Variants in ZNF18 observed in about 807,000 individuals in gnomAD.
The protein encoded by ZNF18 is zinc finger protein 18.
ZNF18 carries 42 observed loss-of-function variants against 58.1 expected under a neutral mutation model. That is an observed-to-expected ratio of 0.72 (90% CI 0.56 to 0.93). The LOEUF (loss-of-function observed/expected upper bound fraction) is 0.93, where lower values mean the gene tolerates loss of function less well. Ranked by LOEUF, ZNF18 falls within the 40% of genes least tolerant of loss-of-function variation. ZNF18 has a pLI of 0.00. For synonymous variants in ZNF18, 231 were observed against 239.8 expected, an observed-to-expected ratio of 0.96 and a Z score of 0.34; for missense variants, 540 against 644.2, an observed-to-expected ratio of 0.84 and a Z score of 1.75.
At chr17:11,991,304 T>C (rs557033548) in intron 2 of ZNF18, 141 bp from the exon 3 acceptor site, 13 of 818,742 alleles carry the variant, frequency 1.6e-5, no homozygotes, top group Non-Finnish European at 2.2e-5. Context: ...TTATTTCTAG[T>C]CCAGCAGGAA....
chr17:11,983,294 C>CACCT lies in ZNF18; in HGVS notation c.861_862+2dup, dbSNP rs1967498800. 6.2e-7 allele frequency: 1 copy of CACCT among 1,604,136 alleles called. No homozygotes were observed. Among genetic ancestry groups the CACCT allele is most frequent in the Non-Finnish European group, 8.5e-7 (1 of 1,171,254 alleles). ...GATTCCAGACCAATGAAAGATTACT[C>CACCT]ACCTATGCAGGTGGGTCTTGGGATC... On this transcript the variant is annotated splice_region_variant and intron_variant, in intron 6 of 6. Transcript: ENST00000580306.
intron 1 of ZNF18, among the ~76,000 whole-genome samples, chr17:11,993,825 CAAAAAAAAAAA>C (rs386385680): frequency 1.4e-5 from 1 of 71,244 alleles, no homozygotes; most frequent in African/African-American, 5.9e-5. Flanking sequence ...CTCCGTCTCA[CAAAAAAAAAAA>C]AAAAAAAAAA....
At chr17:11,987,134 A>G (rs1254503888) in intron 4 of ZNF18, among the ~76,000 whole-genome samples, 7 of 152,196 alleles carry the variant, frequency 4.6e-5, no homozygotes, top group African/African-American at 1.7e-4. Flanking sequence ...GGAAAATTCT[A>G]TTTTTGTGTG....
chr17:11,997,772 C>T (rs1043140976), upstream of ZNF18, among the ~76,000 whole-genome samples: 3 of 152,252 alleles, frequency 2.0e-5, no homozygotes, highest in Non-Finnish European at 4.4e-5. Context: ...GCGAGGCCTT[C>T]AAAGATCATT....
At chr17:12,010,191 T>C in the ZNF18 span, among the ~76,000 whole-genome samples, 1 of 152,200 alleles carries the variant, frequency 6.6e-6, no homozygotes, top group East Asian at 1.9e-4. Flanking sequence ...AATTTCACTG[T>C]ATAAATATAG....
the ZNF18 span, chr17:12,011,210 C>T: frequency 1.9e-6 from 1 of 526,652 alleles, no homozygotes; most frequent in Non-Finnish European, 3.5e-6. Flanking sequence ...TCCTCTTTCA[C>T]TTTGTGTTCA....
chr17:12,006,788 A>G, the ZNF18 span, among the ~76,000 whole-genome samples: 1 of 152,294 alleles, frequency 6.6e-6, no homozygotes, highest in African/African-American at 2.4e-5. Flanking sequence ...TTTTTGCCAC[A>G]GTATTTCAAC....
Position 11,992,755 on chromosome 17 carries a change from T to A in ZNF18, c.75A>T (p.Glu25Asp). The part of the protein sequence containing the change: ...LAKAEDSQFS[E>D]SDAALQEELS... ...GTTCCTCTTGAAGGGCAGCATCTGA[T>A]TCTGAGAACTGGGAGTCCTCGGCCT... Residue 25 changes from glutamate (E) to aspartate (D), a missense_variant, in exon 2 of 7, where the codon GAA becomes GAT. By Grantham distance (45) the Glu-to-Asp change is conservative (BLOSUM62 2). Transcript: ENST00000580306. 1.2e-6 allele frequency: 2 copies of A among 1,614,212 alleles called. No homozygotes were observed. The highest frequency in any genetic ancestry group is 1.7e-6 in the Non-Finnish European group (2 of 1,180,042).
At chr17:12,010,339 T>C in the ZNF18 span, among the ~76,000 whole-genome samples, 1 of 152,148 alleles carries the variant, frequency 6.6e-6, no homozygotes, top group African/African-American at 2.4e-5. Context: ...AAGGAAAAGT[T>C]TTGTGTAAGT....
chr17:11,993,124 C>A (rs749836073), intron 1 of ZNF18, among the ~76,000 whole-genome samples: 13 of 152,100 alleles, frequency 8.5e-5, no homozygotes, highest in Non-Finnish European at 1.9e-4. Context: ...ATTTCCCTGC[C>A]CATTTTATAA....
At chr17:11,987,280 C>T (rs1409255868) in intron 4 of ZNF18, among the ~76,000 whole-genome samples, 1 of 152,210 alleles carries the variant, frequency 6.6e-6, no homozygotes, top group African/African-American at 2.4e-5. Flanking sequence ...AGGTTCCAAC[C>T]GAGTCATGGT....
At chr17:12,002,842 T>G in the ZNF18 span, among the ~76,000 whole-genome samples, 1 of 152,282 alleles carries the variant, frequency 6.6e-6, no homozygotes, top group Admixed American at 6.5e-5. Context: ...TCGGATTGAC[T>G]CAAGGTGAAA....
chr17:11,980,009 TC>T (rs1415748632), intron 6 of ZNF18, among the ~76,000 whole-genome samples: 1 of 152,214 alleles, frequency 6.6e-6, no homozygotes, highest in Non-Finnish European at 1.5e-5. Context: ...GCAGTTTTCT[TC>T]ATAAGTTTTT....
chr17:12,012,648 A>G, the ZNF18 span, among the ~76,000 whole-genome samples: 1 of 152,204 alleles, frequency 6.6e-6, no homozygotes, highest in African/African-American at 2.4e-5. Context: ...CTGCTAGATA[A>G]CTGAGAAATT....
chr17:12,013,854 A>T, the ZNF18 span, among the ~76,000 whole-genome samples: 2 of 152,244 alleles, frequency 1.3e-5, no homozygotes, highest in African/African-American at 4.8e-5. Context: ...CTGATATCTG[A>T]TGGTTAGAGT....
chr17:12,006,598 A>G, the ZNF18 span, among the ~76,000 whole-genome samples: 1 of 152,188 alleles, frequency 6.6e-6, no homozygotes, highest in South Asian at 2.1e-4. Context: ...CTGAGCATAA[A>G]TTATTACCAG....
At chr17:11,984,267 G>T in intron 4 of ZNF18, 70 bp from the exon 5 acceptor site, 1 of 1,444,938 alleles carries the variant, frequency 6.9e-7, no homozygotes, top group Non-Finnish European at 9.3e-7. Context: ...TGCCTTCCCT[G>T]CCTAAAGGAA....
chr17:12,016,225 T>C, the ZNF18 span, among the ~76,000 whole-genome samples: 1 of 152,236 alleles, frequency 6.6e-6, no homozygotes, highest in Non-Finnish European at 1.5e-5. Context: ...AGGTATAGAA[T>C]ATGACCGTTA....
intron 4 of ZNF18, among the ~76,000 whole-genome samples, chr17:11,989,441 T>G (rs1967960567): frequency 6.6e-6 from 1 of 152,164 alleles, no homozygotes; most frequent in Non-Finnish European, 1.5e-5. Context: ...TAGTAATCAG[T>G]AGATAAGGAT....
Sources: gnomAD v4.1 joint callset for allele counts (sites outside exome capture counted in the v4.1 genomes callset) on GRCh38, gnomAD v4.1.1 for gene constraint, MANE v1.5 for transcripts, NCBI Gene and HGNC (gene_info 2026-07-23, HGNC 2026-07-21) for gene names.